Variants in KPNA3 observed in about 807,000 individuals in gnomAD.
KPNA3 encodes the protein importin subunit alpha-4.
In KPNA3, 13 loss-of-function variants were observed where a neutral mutation model predicts 73.8. The ratio of observed to expected loss-of-function variants is 0.18; its 90% CI spans 0.11 to 0.28. KPNA3 has a LOEUF of 0.28. Ranked by LOEUF, KPNA3 falls within the 10% of genes least tolerant of loss-of-function variation. The pLI is 1.00. For synonymous variants in KPNA3, 186 were observed against 206.9 expected, an observed-to-expected ratio of 0.90 and a Z score of 0.87; for missense variants, 360 against 618.1, an observed-to-expected ratio of 0.58 and a Z score of 4.43.
intron 1 of KPNA3, among the ~76,000 whole-genome samples, chr13:49,787,340 T>G (rs1169668629): frequency 6.6e-6 from 1 of 152,136 alleles, no homozygotes; most frequent in Non-Finnish European, 1.5e-5. Flanking sequence ...CATCAAAAAT[T>G]TGCAAGGTTT....
chr13:49,765,313 C>T (rs1954799851), intron 1 of KPNA3, among the ~76,000 whole-genome samples: 1 of 152,112 alleles, frequency 6.6e-6, no homozygotes, highest in African/African-American at 2.4e-5. Context: ...CTAAAACGTA[C>T]TATTTATTAT....
intron 1 of KPNA3, among the ~76,000 whole-genome samples, chr13:49,770,834 CAAAAAAAAA>C (rs759842886): frequency 6.4e-4 from 55 of 85,472 alleles, no homozygotes; most frequent in African/African-American, 2.2e-3. Context: ...ACCCACCTAC[CAAAAAAAAA>C]AAAAAAAAAG....
rs759045635 is a variant in KPNA3, at chr13:49,792,411, G to T, written c.69+27C>A. 6 of 1,518,980 alleles carry T rather than the reference G, an allele frequency of 4.0e-6. No individual in the cohort carries two copies. In the East Asian group the frequency reaches 1.4e-4, roughly 35 times the overall value. The allele number at this position is 1,518,980 out of a possible 1,614,324, so 94.1% of individuals were successfully genotyped here. A position where few individuals can be genotyped will look rare whatever the true frequency, so the allele number is the denominator to read the frequency against. Reference sequence around the variant, plus strand: ...CGTCGCCGGGCCGGCGCGGCCAGGCGGGCCCAGACCGCGGAAGCACACTCA... The same window carrying T: ...CGTCGCCGGGCCGGCGCGGCCAGGCTGGCCCAGACCGCGGAAGCACACTCA... On this transcript the variant is annotated intron_variant, in intron 1 of 16. Coordinates refer to ENST00000261667, the MANE Select transcript of KPNA3 (RefSeq NM_002267.4).
At chr13:49,721,243 C>T (rs1954354119) in intron 9 of KPNA3, among the ~76,000 whole-genome samples, 1 of 151,880 alleles carries the variant, frequency 6.6e-6, no homozygotes, top group East Asian at 1.9e-4. Flanking sequence ...GAAAAAAAAT[C>T]AATTGGACTT....
At chr13:49,719,668 G>A (rs991820984) in intron 10 of KPNA3, 107 bp downstream of exon 10, 36 of 784,206 alleles carry the variant, frequency 4.6e-5, no homozygotes, top group African/African-American at 7.1e-5. Context: ...CTGTAAATAC[G>A]TTGTAGAAAC....
At chr13:49,788,633 G>A (rs1046845149) in intron 1 of KPNA3, among the ~76,000 whole-genome samples, 9 of 151,824 alleles carry the variant, frequency 5.9e-5, no homozygotes, top group East Asian at 1.9e-4. Flanking sequence ...ATGGAAGGAC[G>A]GCTTGAGCCT....
chr13:49,743,441 T>TC lies in KPNA3; in HGVS notation c.114+3507dup, dbSNP rs1473434924. Among the ~76,000 whole-genome samples the TC allele has an allele frequency of 2.6e-5, 4 of 152,306 alleles. No homozygotes were observed. The East Asian group carries it at 7.7e-4, about 29-fold the overall frequency. On this transcript the variant is annotated intron_variant, in intron 2 of 16. Coordinates refer to ENST00000261667, the MANE Select transcript of KPNA3 (RefSeq NM_002267.4). ...GCGTTGTTTCAGGAAAAGTTTGCTT[T>TC]CTACTGCTTACTTGGGGAATTCTTA... is the stretch of plus-strand genomic sequence containing the variant.
At chr13:49,734,847 C>A (rs1053192637) in intron 2 of KPNA3, among the ~76,000 whole-genome samples, 2 of 151,698 alleles carry the variant, frequency 1.3e-5, no homozygotes, top group African/African-American at 4.8e-5. Flanking sequence ...AAATCTCCCA[C>A]AATGATTATA....
chr13:49,765,839 C>A (rs1954803686), intron 1 of KPNA3, among the ~76,000 whole-genome samples: 1 of 152,188 alleles, frequency 6.6e-6, no homozygotes, highest in Admixed American at 6.5e-5. Context: ...TTTAAGTAAA[C>A]TGCTGTATTT....
chr13:49,746,925 T>A, intron 2 of KPNA3, 24 bp downstream of exon 2: 2 of 1,565,170 alleles, frequency 1.3e-6, no homozygotes, highest in Non-Finnish European at 1.8e-6. Context: ...TAATTACTTT[T>A]CTTTAAATGT....
Position 49,792,547 on chromosome 13 carries a change from G to GGCGGCGGCTACTCCT in KPNA3, c.-42_-41insAGGAGTAGCCGCCGC. On this transcript the variant is annotated 5_prime_UTR_variant, in exon 1 of 17. Transcript: ENST00000261667. ...CGGCGGCGGCTACTCCTGCGGCTGC[G>GGCGGCGGCTACTCCT]GCGGCGGCGGCGGCGAATCTTGGAG... 8.2e-7 allele frequency: 1 copy of GGCGGCGGCTACTCCT among 1,226,566 alleles called. No individual in the cohort carries two copies. Among genetic ancestry groups the GGCGGCGGCTACTCCT allele is most frequent in the Non-Finnish European group, 1.1e-6 (1 of 876,972 alleles). The allele number at this position is 1,226,566 out of a possible 1,614,324, so 76.0% of individuals were successfully genotyped here. A position where few individuals can be genotyped will look rare whatever the true frequency, so the allele number is the denominator to read the frequency against.
intron 1 of KPNA3, among the ~76,000 whole-genome samples, chr13:49,787,112 G>C (rs1356547200): frequency 6.6e-6 from 1 of 152,234 alleles, no homozygotes; most frequent in East Asian, 1.9e-4. Flanking sequence ...GGAGGTTCCA[G>C]AGACAGAAGC....
intron 10 of KPNA3, among the ~76,000 whole-genome samples, chr13:49,715,799 C>A (rs1954298933): frequency 6.6e-6 from 1 of 152,090 alleles, no homozygotes; most frequent in Non-Finnish European, 1.5e-5. Flanking sequence ...AAGAATATAC[C>A]CTGAAGATAT....
At chr13:49,743,891 G>T (rs1954594542) in intron 2 of KPNA3, among the ~76,000 whole-genome samples, 1 of 152,092 alleles carries the variant, frequency 6.6e-6, no homozygotes, top group South Asian at 2.1e-4. Flanking sequence ...TTAACAGATG[G>T]CAATAATTAC....
intron 6 of KPNA3, among the ~76,000 whole-genome samples, chr13:49,728,072 A>G (rs1954427644): frequency 6.6e-6 from 1 of 151,958 alleles, no homozygotes; most frequent in Non-Finnish European, 1.5e-5. Context: ...CATCTCTATT[A>G]AAAATACAAA....
Position 49,792,596 on chromosome 13 carries a change from C to T in KPNA3, c.-90G>A. 1 of 66,016 alleles carries T rather than the reference C, an allele frequency of 1.5e-5. No homozygotes were observed. The highest frequency in any genetic ancestry group is 3.0e-5 in the Non-Finnish European group (1 of 33,746). 4.1% of individuals were successfully genotyped at this position (66,016 alleles called of 1,614,324 possible). A position where few individuals can be genotyped will look rare whatever the true frequency, so the allele number is the denominator to read the frequency against. Reference sequence around the variant, plus strand: ...AGCGGGAGGGGGAGGAGGGGGAGAGCGGGAGGGGGGAGGGGAGAGAAGAGC... The same window carrying T: ...AGCGGGAGGGGGAGGAGGGGGAGAGTGGGAGGGGGGAGGGGAGAGAAGAGC... On this transcript the variant is annotated 5_prime_UTR_variant, in exon 1 of 17. Coordinates refer to ENST00000261667, the MANE Select transcript of KPNA3 (RefSeq NM_002267.4).
chr13:49,776,790 T>C (rs763631038), intron 1 of KPNA3, among the ~76,000 whole-genome samples: 10 of 152,194 alleles, frequency 6.6e-5, no homozygotes, highest in African/African-American at 9.6e-5. Flanking sequence ...AATTTATTTA[T>C]GCATAATCTA....
chr13:49,759,777 G>A (rs1194108006), intron 1 of KPNA3, among the ~76,000 whole-genome samples: 2 of 152,210 alleles, frequency 1.3e-5, no homozygotes, highest in Non-Finnish European at 2.9e-5. Context: ...TCACTTGCTT[G>A]CCTGCTGCCT....
At chr13:49,710,858 G>A in intron 11 of KPNA3, 33 bp downstream of exon 11, 1 of 1,594,500 alleles carries the variant, frequency 6.3e-7, no homozygotes, top group South Asian at 1.1e-5. Context: ...AAACACAACT[G>A]TATACAAATA....
Sources: allele counts gnomAD v4.1 joint callset (sites outside exome capture counted in the v4.1 genomes callset), GRCh38; gene constraint gnomAD v4.1.1; transcripts MANE v1.5; gene names NCBI Gene and HGNC (gene_info 2026-07-23, HGNC 2026-07-21).